Variants in ERCC6 observed in about 807,000 individuals in gnomAD.
ERCC6 encodes the protein ERCC excision repair 6, chromatin remodeling factor.
In ERCC6, 116 loss-of-function variants were observed where a neutral mutation model predicts 158.7. That is an observed-to-expected ratio of 0.73 (90% CI 0.63 to 0.85). ERCC6 has a LOEUF of 0.85. Ranked by LOEUF, ERCC6 falls within the 40% of genes least tolerant of loss-of-function variation. The pLI is 0.00. For synonymous variants in ERCC6, 678 were observed against 659.3 expected (o/e 1.03, Z -0.43); for missense variants, 1,698 against 1,799.4 (o/e 0.94, Z 1.02).
At chr10:49,437,943 C>T in the ERCC6 span, among the ~76,000 whole-genome samples, 1 of 152,214 alleles carries the variant, frequency 6.6e-6, no homozygotes, top group Non-Finnish European at 1.5e-5. Flanking sequence ...CTCCTGTGTA[C>T]TTTACACCAT....
chr10:49,450,408 T>C (rs1217154664), downstream of ERCC6, among the ~76,000 whole-genome samples: 3 of 152,250 alleles, frequency 2.0e-5, no homozygotes, highest in East Asian at 5.8e-4. Context: ...TAATTACTAT[T>C]GTTTTGTAAT....
intron 5 of ERCC6, among the ~76,000 whole-genome samples, chr10:49,508,688 G>A (rs1851485583): frequency 6.6e-6 from 1 of 152,008 alleles, no homozygotes; most frequent in Admixed American, 6.6e-5. Flanking sequence ...TGCATACAGA[G>A]CTCAGGCGAA....
rs145326258 is a variant in ERCC6, at chr10:49,515,635, C to A, written c.1397+8398G>T. The A allele has an allele frequency of 2.4e-5, 38 of 1,613,922 alleles. No individual in the cohort carries two copies. Among genetic ancestry groups the A allele is most frequent in the Non-Finnish European group, 3.1e-5 (37 of 1,180,004 alleles). On this transcript the variant is annotated intron_variant, in intron 5 of 20. Coordinates refer to ENST00000355832, the MANE Select transcript of ERCC6 (RefSeq NM_000124.4). ...TGCAATTGCCAAGCATTTTGTAAGA[C>A]CAGTTCGAAACAGAACAAAAGAGGG...
downstream of ERCC6, among the ~76,000 whole-genome samples, chr10:49,450,313 A>G (rs181931616): frequency 6.1e-5 from 9 of 148,422 alleles, no homozygotes; most frequent in East Asian, 1.6e-3. Flanking sequence ...AGTTGACTAC[A>G]GATGTTTGCA....
intron 19 of ERCC6, among the ~76,000 whole-genome samples, chr10:49,460,768 A>T (rs1231888389): frequency 1.3e-5 from 2 of 152,156 alleles, no homozygotes; most frequent in Non-Finnish European, 2.9e-5. Context: ...TAAAAATACA[A>T]AAATTAGCCT....
chr10:49,489,581 T>C (rs1474264852), intron 8 of ERCC6, among the ~76,000 whole-genome samples: 3 of 152,188 alleles, frequency 2.0e-5, no homozygotes, highest in Non-Finnish European at 4.4e-5. Context: ...CCCACTCTTA[T>C]GCATCTACAT....
In ERCC6 at chr10:49,526,117, T is replaced by TTATATATATA. The variant is rs55801003; in HGVS notation, c.653-1350_653-1341dup. Among the ~76,000 whole-genome samples, 112 of 43,400 alleles carry TTATATATATA rather than the reference T, an allele frequency of 2.6e-3. 2 individuals are homozygous for TTATATATATA. Among genetic ancestry groups the TTATATATATA allele is most frequent in the Non-Finnish European group, 3.4e-3 (66 of 19,294 alleles). The allele number at this position is 43,400 out of a possible 152,430, so 28.5% of individuals were successfully genotyped here. ...TATATATTTATATATTTATATATTTTTATATATATATATATATATATATAT... is the reference window on the plus strand; with the variant it reads ...TATATATTTATATATTTATATATTTTTATATATATATATATATATATATATATATATATAT... On this transcript the variant is annotated intron_variant, in intron 4 of 20. Coordinates refer to ENST00000355832, the MANE Select transcript of ERCC6 (RefSeq NM_000124.4).
intron 1 of ERCC6, among the ~76,000 whole-genome samples, chr10:49,534,149 A>AAAAAAC (rs1554794831): frequency 1.8e-4 from 26 of 144,900 alleles, no homozygotes; most frequent in Non-Finnish European, 2.6e-4. Context: ...AAAAAAAAAA[A>AAAAAAC]AAAAACAAAA....
chr10:49,454,423 G>T (rs945446516), downstream of ERCC6, among the ~76,000 whole-genome samples: 1 of 152,212 alleles, frequency 6.6e-6, no homozygotes, highest in Non-Finnish European at 1.5e-5. Flanking sequence ...GAGGGAGGGA[G>T]TGAGTGTGTT....
chr10:49,486,291 C>T (rs1443449308), intron 8 of ERCC6, among the ~76,000 whole-genome samples: 1 of 152,072 alleles, frequency 6.6e-6, no homozygotes, highest in South Asian at 2.1e-4. Context: ...CACCATCAGA[C>T]CTCCTTTCAA....
chr10:49,532,662 G>A lies in ERCC6; in HGVS notation c.303C>T (p.Asp101=), dbSNP rs1242252442. ...GCACTCCCTGTTCCAGCACGTCCTGGTCATAGACGTCCACACCCAAACCCT... is the reference window on the plus strand; with the variant it reads ...GCACTCCCTGTTCCAGCACGTCCTGATCATAGACGTCCACACCCAAACCCT... ...ELQGLGVDVY[D]QDVLEQGVLQ... The change falls in exon 2 of 21, where the codon GAC becomes GAT. Residue 101 remains aspartate (D), a synonymous_variant. Coordinates refer to ENST00000355832, the MANE Select transcript of ERCC6 (RefSeq NM_000124.4). 3 of 1,614,180 alleles carry A rather than the reference G, an allele frequency of 1.9e-6. No homozygotes were observed. The highest frequency in any genetic ancestry group is 1.7e-5 in the Admixed American group (1 of 60,024).
chr10:49,502,481 G>A (rs1335346559), intron 6 of ERCC6: 3 of 152,156 alleles, frequency 2.0e-5, no homozygotes, highest in Non-Finnish European at 4.4e-5. Context: ...GAGGCACCAG[G>A]CCAGGTGGTT....
intron 7 of ERCC6, among the ~76,000 whole-genome samples, chr10:49,496,529 C>T (rs1388177495): frequency 6.6e-6 from 1 of 152,076 alleles, no homozygotes; most frequent in Admixed American, 6.5e-5. Context: ...AATTTTTGGC[C>T]GGGTACAGTG....
At chr10:49,508,433 G>A (rs371669686) in intron 5 of ERCC6, among the ~76,000 whole-genome samples, 14 of 151,910 alleles carry the variant, frequency 9.2e-5, no homozygotes, top group South Asian at 2.1e-4. Context: ...GCATCTTGTC[G>A]CCACAGAACT....
intron 6 of ERCC6, chr10:49,501,185 G>A (rs1317812148): frequency 6.3e-6 from 1 of 159,314 alleles, no homozygotes; most frequent in Non-Finnish European, 1.4e-5. Flanking sequence ...AAGTCACTTG[G>A]TGATCATATT....
chr10:49,482,058 T>A (rs1850989869), intron 10 of ERCC6, among the ~76,000 whole-genome samples: 1 of 152,206 alleles, frequency 6.6e-6, no homozygotes, highest in South Asian at 2.1e-4. Flanking sequence ...AGTTCTAGCA[T>A]CCACAGCTTT....
chr10:49,452,161 G>T (rs1306629256), downstream of ERCC6, among the ~76,000 whole-genome samples: 1 of 151,240 alleles, frequency 6.6e-6, no homozygotes, highest in Non-Finnish European at 1.5e-5. Context: ...GGTTTAGTTT[G>T]TTCTTCTTTC....
intron 5 of ERCC6, among the ~76,000 whole-genome samples, chr10:49,517,841 G>A (rs532948706): frequency 6.6e-6 from 1 of 152,234 alleles, no homozygotes; most frequent in South Asian, 2.1e-4. Context: ...ATTGTGCCCG[G>A]CCAGGCTTAT....
At chr10:49,515,183 T>G in intron 5 of ERCC6, 1 of 1,310,750 alleles carries the variant, frequency 7.6e-7, no homozygotes. Context: ...CCTAGAAAAA[T>G]TCAAGGAACA....
Sources: allele counts gnomAD v4.1 joint callset (sites outside exome capture counted in the v4.1 genomes callset), GRCh38; gene constraint gnomAD v4.1.1; transcripts MANE v1.5; gene names NCBI Gene and HGNC (gene_info 2026-07-23, HGNC 2026-07-21).